KCNH8: variants seen among roughly 807,000 people sequenced by gnomAD.
KCNH8 encodes voltage-gated delayed rectifier potassium channel KCNH8.
Under a neutral mutation model 103.6 loss-of-function variants are expected in KCNH8, and 70 were observed. The observed-to-expected ratio is 0.68, with a 90% CI of 0.56 to 0.82. The LOEUF (loss-of-function observed/expected upper bound fraction) is 0.82. Among genes scored for constraint, KCNH8 ranks in the 40% least tolerant of loss-of-function variants. KCNH8 has a pLI of 0.00. For missense variants in KCNH8, 1,217 were observed against 1,329.9 expected, an observed-to-expected ratio of 0.92 and a Z score of 1.32; for synonymous variants, 498 against 489.4, an observed-to-expected ratio of 1.02 and a Z score of -0.23.
chr3:19,382,821 G>T (rs914469552), intron 5 of KCNH8, among the ~76,000 whole-genome samples: 3 of 152,042 alleles, frequency 2.0e-5, no homozygotes, highest in African/African-American at 7.2e-5. Flanking sequence ...ACAGTAACAA[G>T]CAATCTCAAT....
Position 19,503,878 on chromosome 3 carries a change from T to C in KCNH8, c.2041-6485T>C, listed in dbSNP as rs1435412886. ...CACCAGCATGGCACACGTATACATA[T>C]GTAACTAACCTGCACATTGTGCACA... On this transcript the variant is annotated intron_variant, in intron 11 of 15. Coordinates refer to ENST00000328405, the MANE Select transcript of KCNH8 (RefSeq NM_144633.3). Among the ~76,000 whole-genome samples the C allele has an allele frequency of 3.3e-5, 5 of 151,936 alleles. No individual in the cohort carries two copies. The East Asian group carries it at 9.6e-4, about 29-fold the overall frequency.
intron 5 of KCNH8, among the ~76,000 whole-genome samples, chr3:19,376,747 A>G (rs887850206): frequency 6.6e-6 from 1 of 152,244 alleles, no homozygotes; most frequent in Non-Finnish European, 1.5e-5. Context: ...TTTTATTTAC[A>G]TTGGATAATC....
chr3:19,237,121 A>C (rs910796626), intron 1 of KCNH8, among the ~76,000 whole-genome samples: 6 of 152,378 alleles, frequency 3.9e-5, no homozygotes, highest in Middle Eastern at 3.4e-3. Flanking sequence ...TTTTGAACTT[A>C]GTATTTATAA....
chr3:19,506,274 T>C (rs2125237887), intron 11 of KCNH8, among the ~76,000 whole-genome samples: 1 of 152,304 alleles, frequency 6.6e-6, no homozygotes, highest in East Asian at 1.9e-4. Context: ...TTCTTTCTCA[T>C]CTGTGTGGGC....
chr3:19,151,651 C>G (rs926358764), intron 1 of KCNH8, among the ~76,000 whole-genome samples: 1 of 151,932 alleles, frequency 6.6e-6, no homozygotes, highest in Admixed American at 6.6e-5. Context: ...TACTATTTAT[C>G]AGTTGAGATA....
intron 1 of KCNH8, among the ~76,000 whole-genome samples, chr3:19,226,930 T>G (rs1382172645): frequency 1.3e-5 from 2 of 152,192 alleles, no homozygotes; most frequent in Non-Finnish European, 2.9e-5. Context: ...GTCTCTTATC[T>G]CTGACTTGTC....
chr3:19,415,589 A>G (rs572704168), intron 7 of KCNH8, among the ~76,000 whole-genome samples: 1 of 152,154 alleles, frequency 6.6e-6, no homozygotes, highest in African/African-American at 2.4e-5. Flanking sequence ...TGAGCAATCA[A>G]TTATGAGTTC....
intron 4 of KCNH8, among the ~76,000 whole-genome samples, chr3:19,346,046 A>T (rs1430432998): frequency 6.6e-6 from 1 of 152,068 alleles, no homozygotes; most frequent in Non-Finnish European, 1.5e-5. Context: ...TAAAATTTTA[A>T]TTTCTGTAAT....
chr3:19,380,042 A>G (rs2066267784), intron 5 of KCNH8, among the ~76,000 whole-genome samples: 1 of 152,200 alleles, frequency 6.6e-6, no homozygotes, highest in African/African-American at 2.4e-5. Context: ...CCTTATATCA[A>G]CAACCTATAC....
intron 3 of KCNH8, among the ~76,000 whole-genome samples, chr3:19,332,990 G>A (rs745323638): frequency 6.6e-6 from 1 of 152,072 alleles, no homozygotes; most frequent in Non-Finnish European, 1.5e-5. Flanking sequence ...TCCAGTTTCT[G>A]CACATCTTCA....
intron 3 of KCNH8, among the ~76,000 whole-genome samples, chr3:19,303,436 A>T (rs1303257501): frequency 6.6e-6 from 1 of 152,206 alleles, no homozygotes; most frequent in Non-Finnish European, 1.5e-5. Context: ...CAGTGGAAAG[A>T]GCTAACAAGC....
intron 7 of KCNH8, among the ~76,000 whole-genome samples, chr3:19,421,941 A>C (rs1043748711): frequency 3.9e-5 from 6 of 152,090 alleles, no homozygotes; most frequent in African/African-American, 1.4e-4. Flanking sequence ...AAACATATTC[A>C]ACTGTATTTG....
At chr3:19,164,458 G>C (rs2063262977) in intron 1 of KCNH8, among the ~76,000 whole-genome samples, 1 of 152,230 alleles carries the variant, frequency 6.6e-6, no homozygotes, top group South Asian at 2.1e-4. Flanking sequence ...AACAATGCAA[G>C]TTAGATGTTT....
At chr3:19,201,225 C>G (rs2063656486) in intron 1 of KCNH8, among the ~76,000 whole-genome samples, 1 of 48,404 alleles carries the variant, frequency 2.1e-5, no homozygotes, top group Non-Finnish European at 3.3e-5. Flanking sequence ...TAGCAAGACT[C>G]TGCCTCAAAA....
intron 2 of KCNH8, among the ~76,000 whole-genome samples, chr3:19,275,644 A>G (rs1387223725): frequency 1.3e-5 from 2 of 152,144 alleles, no homozygotes; most frequent in Non-Finnish European, 2.9e-5. Flanking sequence ...ATCTCTTAGT[A>G]TAGTACAAAC....
intron 1 of KCNH8, among the ~76,000 whole-genome samples, chr3:19,206,168 G>GTGTGTGTGTGTGTGTGTGTATATATA (rs979868166): frequency 1.4e-5 from 2 of 139,260 alleles, no homozygotes; most frequent in African/African-American, 5.7e-5. Context: ...TGGTGTGTGT[G>GTGTGTGTGTGTGTGTGTGTATATATA]TATATATATA....
intron 14 of KCNH8, among the ~76,000 whole-genome samples, chr3:19,516,120 CA>C (rs1345454356): frequency 6.6e-6 from 1 of 151,938 alleles, no homozygotes; most frequent in East Asian, 1.9e-4. Flanking sequence ...AGAGACAATC[CA>C]AAACAATTAC....
chr3:19,171,929 C>T (rs900388270), intron 1 of KCNH8, among the ~76,000 whole-genome samples: 15 of 152,138 alleles, frequency 9.9e-5, no homozygotes, highest in African/African-American at 3.1e-4. Context: ...AAGAACTTGA[C>T]GGTGTTTGCA....
At chr3:19,297,583 G>A (rs955406836) in intron 3 of KCNH8, among the ~76,000 whole-genome samples, 4 of 152,136 alleles carry the variant, frequency 2.6e-5, no homozygotes, top group Admixed American at 6.5e-5. Context: ...ATTGCCTTCT[G>A]TAAAGGAATA....
Sources: gnomAD v4.1 joint callset for allele counts (sites outside exome capture counted in the v4.1 genomes callset) on GRCh38, gnomAD v4.1.1 for gene constraint, MANE v1.5 for transcripts, NCBI Gene and HGNC (gene_info 2026-07-23, HGNC 2026-07-21) for gene names.